The following KALRN variants were observed in gnomAD, a reference collection of about 807,000 sequenced individuals.
The protein encoded by KALRN is kalirin RhoGEF kinase, also known as kalirin.
Under a neutral mutation model 353.7 loss-of-function variants are expected in KALRN, and 70 were observed. That is an observed-to-expected ratio of 0.20 (90% CI 0.16 to 0.24). The LOEUF (loss-of-function observed/expected upper bound fraction) is 0.24, where lower values mean the gene tolerates loss of function less well. Ranked by LOEUF, KALRN falls within the 10% of genes least tolerant of loss-of-function variation. KALRN has a pLI of 1.00. For synonymous variants in KALRN, 1,391 were observed against 1,434.8 expected (o/e 0.97, Z 0.69); for missense variants, 2,791 against 3,756.7 (o/e 0.74, Z 6.72).
At chr3:124,316,771 A>G (rs906196489) in intron 6 of KALRN, among the ~76,000 whole-genome samples, 1 of 152,244 alleles carries the variant, frequency 6.6e-6, no homozygotes, top group South Asian at 2.1e-4. Flanking sequence ...CTTCTACTAA[A>G]AGGTAAACTC....
intron 1 of KALRN, among the ~76,000 whole-genome samples, chr3:124,154,131 C>A (rs2068611902): frequency 6.6e-6 from 1 of 152,112 alleles, no homozygotes; most frequent in Non-Finnish European, 1.5e-5. Flanking sequence ...TAATTAGATC[C>A]CATTTGTCAA....
intron 34 of KALRN, among the ~76,000 whole-genome samples, chr3:124,599,227 G>T (rs571531609): frequency 2.8e-4 from 43 of 152,318 alleles, no homozygotes; most frequent in Non-Finnish European, 6.0e-4. Flanking sequence ...GGGAAGTAGA[G>T]TAAAAGCGGC....
At chr3:124,472,086 A>C (rs2060970367) in intron 25 of KALRN, among the ~76,000 whole-genome samples, 2 of 152,056 alleles carry the variant, frequency 1.3e-5, no homozygotes, top group Non-Finnish European at 1.5e-5. Flanking sequence ...CAAATTGTGC[A>C]TCTTCCCATA....
At chr3:124,150,007 C>T (rs887102468) in intron 1 of KALRN, among the ~76,000 whole-genome samples, 1 of 152,182 alleles carries the variant, frequency 6.6e-6, no homozygotes, top group Non-Finnish European at 1.5e-5. Context: ...CAATGAATGC[C>T]AAGCTGTTAG....
intron 10 of KALRN, among the ~76,000 whole-genome samples, chr3:124,363,941 T>G (rs949521949): frequency 2.6e-5 from 4 of 152,246 alleles, no homozygotes; most frequent in African/African-American, 9.6e-5. Context: ...CATCAGTTTC[T>G]TTTCCCTGCC....
chr3:124,642,299 A>T (rs202200872), intron 37 of KALRN, among the ~76,000 whole-genome samples: 2 of 135,640 alleles, frequency 1.5e-5, no homozygotes, highest in Admixed American at 7.6e-5. Flanking sequence ...AAAACAAAAA[A>T]TTAAAAGAGA....
chr3:124,124,294 G>C (rs1338948259), intron 1 of KALRN, among the ~76,000 whole-genome samples: 1 of 152,204 alleles, frequency 6.6e-6, no homozygotes, highest in Non-Finnish European at 1.5e-5. Flanking sequence ...CACAGATGTG[G>C]AAGACATAGC....
intron 11 of KALRN, among the ~76,000 whole-genome samples, chr3:124,392,262 C>T (rs2089506646): frequency 1.3e-5 from 2 of 152,012 alleles, no homozygotes; most frequent in Admixed American, 6.6e-5. Flanking sequence ...CTGGGTCTTA[C>T]CATGTTGTCT....
At chr3:124,686,439 T>C (rs527898875) in intron 51 of KALRN, among the ~76,000 whole-genome samples, 25 of 152,286 alleles carry the variant, frequency 1.6e-4, no homozygotes, top group Admixed American at 1.6e-3. Context: ...ATGAGTGTGG[T>C]CATTGATTCA....
intron 34 of KALRN, among the ~76,000 whole-genome samples, chr3:124,572,731 C>G (rs2073676175): frequency 6.6e-6 from 1 of 152,180 alleles, no homozygotes; most frequent in African/African-American, 2.4e-5. Flanking sequence ...CAAAAGTTGT[C>G]TGTGGCTTTA....
At chr3:124,077,523 G>A (rs1315273328) in intron 1 of KALRN, among the ~76,000 whole-genome samples, 3 of 151,896 alleles carry the variant, frequency 2.0e-5, no homozygotes, top group African/African-American at 4.8e-5. Flanking sequence ...TTCCAAATCC[G>A]CATCCTTCCA....
chr3:124,250,868 G>C (rs919062434), intron 3 of KALRN, among the ~76,000 whole-genome samples: 6 of 152,004 alleles, frequency 3.9e-5, no homozygotes, highest in Non-Finnish European at 8.8e-5. Flanking sequence ...GAACAGCTCT[G>C]TGAGGGAGGG....
chr3:124,548,351 A>C (rs536956097), intron 33 of KALRN, among the ~76,000 whole-genome samples: 7 of 152,234 alleles, frequency 4.6e-5, no homozygotes, highest in Non-Finnish European at 8.8e-5. Context: ...AGGGTCTGCC[A>C]TCTTGACTTT....
chr3:124,347,330 G>A lies in KALRN; in HGVS notation c.1770+65G>A, dbSNP rs553660510. On this transcript the variant is annotated intron_variant, in intron 10 of 59. Coordinates refer to ENST00000682506, the MANE Select transcript of KALRN (RefSeq NM_001388419.1). ...TGTGTGTGTGTGTGTGTCTAGATGAGGGAGGCATGATGACTTTGAAGAGGT... is the reference window on the plus strand; with the variant it reads ...TGTGTGTGTGTGTGTGTCTAGATGAAGGAGGCATGATGACTTTGAAGAGGT... 2.0e-6 allele frequency: 3 copies of A among 1,470,760 alleles called. No homozygotes were observed. In the African/African-American group the frequency reaches 4.7e-5, roughly 23 times the overall value. 91.1% of individuals were successfully genotyped at this position (1,470,760 alleles called of 1,614,324 possible).
intron 1 of KALRN, among the ~76,000 whole-genome samples, chr3:124,091,155 G>A (rs1370204200): frequency 1.3e-5 from 2 of 152,234 alleles, no homozygotes; most frequent in African/African-American, 2.4e-5. Context: ...GACTGAGGAT[G>A]CTGTCTGCTG....
At chr3:124,280,296 G>T (rs552285313) in intron 5 of KALRN, among the ~76,000 whole-genome samples, 2 of 152,236 alleles carry the variant, frequency 1.3e-5, no homozygotes, top group African/African-American at 4.8e-5. Context: ...CCAGTTGTTA[G>T]AAAGTCCTCC....
intron 34 of KALRN, among the ~76,000 whole-genome samples, chr3:124,577,049 T>C (rs2074178041): frequency 6.6e-6 from 1 of 152,092 alleles, no homozygotes. Context: ...TCAGTACAGA[T>C]ATCCAGGAAC....
intron 34 of KALRN, among the ~76,000 whole-genome samples, chr3:124,625,120 T>G (rs779921501): frequency 6.6e-6 from 1 of 152,192 alleles, no homozygotes; most frequent in Non-Finnish European, 1.5e-5. Context: ...TAAACACTTT[T>G]CAAATATTAA....
chr3:124,378,366 T>C (rs1248085827), intron 10 of KALRN, among the ~76,000 whole-genome samples: 1 of 152,130 alleles, frequency 6.6e-6, no homozygotes, highest in African/African-American at 2.4e-5. Context: ...TATACCTTAC[T>C]TATATATGTA....
Sources: allele counts gnomAD v4.1 joint callset (sites outside exome capture counted in the v4.1 genomes callset), GRCh38; gene constraint gnomAD v4.1.1; transcripts MANE v1.5; gene names NCBI Gene and HGNC (gene_info 2026-07-23, HGNC 2026-07-21).